The following STXBP6 variants were observed in gnomAD, a reference collection of about 807,000 sequenced individuals.
STXBP6 encodes the protein syntaxin binding protein 6.
A neutral mutation model predicts 26.9 loss-of-function variants in STXBP6; 21 were observed. The observed-to-expected ratio is 0.78, with a 90% confidence interval of 0.55 to 1.12. The LOEUF (loss-of-function observed/expected upper bound fraction) is 1.12, where lower values mean the gene tolerates loss of function less well. Ranked by LOEUF, STXBP6 falls within the 50% of genes most tolerant of loss-of-function variation. The probability of loss-of-function intolerance (pLI) is 0.00; values close to 1 mark genes in which losing one functional copy is unlikely to be tolerated. For missense variants in STXBP6, 232 were observed against 257.9 expected (o/e 0.90, Z 0.69); for synonymous variants, 97 against 92.6 (o/e 1.05, Z -0.27).
chr14:24,923,579 T>C (rs1017761231), intron 2 of STXBP6, among the ~76,000 whole-genome samples: 2 of 152,162 alleles, frequency 1.3e-5, no homozygotes, highest in Non-Finnish European at 2.9e-5. Context: ...AGAGCTCCCA[T>C]TGCTCTACAT....
At chr14:24,970,317 T>C (rs918658525) in intron 2 of STXBP6, among the ~76,000 whole-genome samples, 2 of 152,138 alleles carry the variant, frequency 1.3e-5, no homozygotes, top group Non-Finnish European at 2.9e-5. Flanking sequence ...TGCAGCCTGA[T>C]GAGCTGTCAA....
chr14:24,972,105 T>A (rs2073922673), intron 2 of STXBP6, among the ~76,000 whole-genome samples: 1 of 152,208 alleles, frequency 6.6e-6, no homozygotes, highest in Non-Finnish European at 1.5e-5. Flanking sequence ...GCCCTTCTCC[T>A]GCCCCCATTT....
rs1009260619 is a variant in STXBP6 at position 24,846,065 on chromosome 14, C to G, written c.451+9871G>C. Among the ~76,000 whole-genome samples, 3 of 152,146 alleles carry G rather than the reference C, an allele frequency of 2.0e-5. No homozygotes were observed. In the East Asian group the frequency reaches 5.8e-4, roughly 29 times the overall value. ...CAATGTAAGCTTTTCCCTCTTCCTC[C>G]GTGAATGAGAGCCTTTGTTTTGCTG... On this transcript the variant is annotated intron_variant, in intron 4 of 5. Transcript: ENST00000323944.
intron 2 of STXBP6, among the ~76,000 whole-genome samples, chr14:24,921,009 G>C (rs573145133): frequency 6.6e-6 from 1 of 152,214 alleles, no homozygotes; most frequent in African/African-American, 2.4e-5. Context: ...CCAGAGACAA[G>C]GGTTTAATAC....
chr14:24,833,236 C>T (rs530503569), intron 4 of STXBP6, among the ~76,000 whole-genome samples: 243 of 152,282 alleles, frequency 1.6e-3, no homozygotes, highest in African/African-American at 5.6e-3. Flanking sequence ...TGCCTGATGT[C>T]TCCTCCCCTT....
chr14:24,934,937 A>G (rs938763058), intron 2 of STXBP6, among the ~76,000 whole-genome samples: 4 of 152,084 alleles, frequency 2.6e-5, no homozygotes, highest in Non-Finnish European at 4.4e-5. Flanking sequence ...AATCTCAAAA[A>G]ATACTTGATT....
At chr14:24,993,420 C>T (rs116225794) in intron 1 of STXBP6, among the ~76,000 whole-genome samples, 28 of 152,290 alleles carry the variant, frequency 1.8e-4, no homozygotes, top group African/African-American at 6.5e-4. Flanking sequence ...TAAATCCCTC[C>T]ACATCTACCC....
intron 2 of STXBP6, among the ~76,000 whole-genome samples, chr14:24,867,299 G>T (rs1292476370): frequency 6.6e-6 from 1 of 152,168 alleles, no homozygotes; most frequent in African/African-American, 2.4e-5. Context: ...GAAACTGCCA[G>T]TGTCTTGATC....
chr14:24,952,115 T>C (rs141528763), intron 2 of STXBP6, among the ~76,000 whole-genome samples: 140 of 151,610 alleles, frequency 9.2e-4, no homozygotes, highest in African/African-American at 3.3e-3. Flanking sequence ...GGATGGGAAA[T>C]AAATACAATA....
chr14:24,905,982 G>A (rs945365289), intron 2 of STXBP6, among the ~76,000 whole-genome samples: 2 of 151,946 alleles, frequency 1.3e-5, no homozygotes, highest in African/African-American at 4.8e-5. Flanking sequence ...TACAAACTTT[G>A]AGTAGAAAAA....
chr14:24,850,776 T>C (rs567145913), intron 4 of STXBP6, among the ~76,000 whole-genome samples: 25 of 152,228 alleles, frequency 1.6e-4, no homozygotes, highest in African/African-American at 5.3e-4. Flanking sequence ...TAAATGATTG[T>C]GGGATCACTG....
At chr14:25,000,328 G>A (rs2074726562) in intron 1 of STXBP6, among the ~76,000 whole-genome samples, 1 of 151,704 alleles carries the variant, frequency 6.6e-6, no homozygotes, top group African/African-American at 2.4e-5. Flanking sequence ...CTCCCAAAAT[G>A]CTGGGATTAC....
chr14:25,030,781 A>C (rs2075439162), intron 1 of STXBP6, among the ~76,000 whole-genome samples: 1 of 152,120 alleles, frequency 6.6e-6, no homozygotes, highest in South Asian at 2.1e-4. Context: ...CTTCATCTTG[A>C]GTCATAAATT....
intron 2 of STXBP6, among the ~76,000 whole-genome samples, chr14:24,867,781 C>T (rs572084709): frequency 2.0e-5 from 3 of 152,242 alleles, no homozygotes; most frequent in East Asian, 1.9e-4. Flanking sequence ...ATATATAACA[C>T]TAAAAGCACA....
At chr14:25,029,768 G>A (rs1368517698) in intron 1 of STXBP6, among the ~76,000 whole-genome samples, 1 of 152,140 alleles carries the variant, frequency 6.6e-6, no homozygotes, top group Non-Finnish European at 1.5e-5. Context: ...TAATTAGGAA[G>A]AGGAAAAAGA....
At chr14:24,912,457 A>G (rs2071608658) in intron 2 of STXBP6, among the ~76,000 whole-genome samples, 1 of 151,942 alleles carries the variant, frequency 6.6e-6, no homozygotes, top group South Asian at 2.1e-4. Flanking sequence ...AAAAAAAAAA[A>G]AAGTGAAATG....
In STXBP6 at chr14:24,812,699, A is replaced by C; in HGVS notation, c.*10T>G. ...TTCTCTTAAGAAGAGTCACCAGGAT[A>C]GGCAGTTTCTCAACATTTGTGCTTC... On this transcript the variant is annotated 3_prime_UTR_variant, in exon 6 of 6. Transcript: ENST00000323944. 6.2e-7 allele frequency: 1 copy of C among 1,613,610 alleles called. No homozygotes were observed. Among genetic ancestry groups the C allele is most frequent in the Non-Finnish European group, 8.5e-7 (1 of 1,179,580 alleles).
chr14:24,882,600 T>C (rs1164113127), intron 2 of STXBP6, among the ~76,000 whole-genome samples: 4 of 152,018 alleles, frequency 2.6e-5, no homozygotes, highest in Non-Finnish European at 5.9e-5. Context: ...CTGTATTCAC[T>C]CAGTTCTCTT....
intron 2 of STXBP6, among the ~76,000 whole-genome samples, chr14:24,916,697 A>G (rs936190549): frequency 1.3e-5 from 2 of 152,070 alleles, no homozygotes; most frequent in African/African-American, 4.8e-5. Context: ...CCTAGGATCT[A>G]GGACACCTGG....
Sources: gnomAD v4.1 joint callset for allele counts (sites outside exome capture counted in the v4.1 genomes callset) on GRCh38, gnomAD v4.1.1 for gene constraint, MANE v1.5 for transcripts, NCBI Gene and HGNC (gene_info 2026-07-23, HGNC 2026-07-21) for gene names.